CDH12: variants seen among roughly 807,000 people sequenced by gnomAD.
CDH12 encodes the protein cadherin 12.
CDH12 carries 41 observed loss-of-function variants against 74.1 expected under a neutral mutation model. The observed-to-expected ratio is 0.55, with a 90% CI of 0.43 to 0.72. The LOEUF (loss-of-function observed/expected upper bound fraction) is 0.72. Ranked by LOEUF, CDH12 falls within the 30% of genes least tolerant of loss-of-function variation. The probability of loss-of-function intolerance (pLI) is 0.00; values close to 1 mark genes in which losing one functional copy is unlikely to be tolerated. For synonymous variants in CDH12, 399 were observed against 355.0 expected (o/e 1.12, Z -1.39); for missense variants, 945 against 977.2 (o/e 0.97, Z 0.44).
intron 5 of CDH12, among the ~76,000 whole-genome samples, chr5:22,046,879 C>T (rs1011088128): frequency 8.5e-5 from 13 of 152,222 alleles, no homozygotes; most frequent in African/African-American, 3.1e-4. Flanking sequence ...TGTTTTATTT[C>T]ATGAAGGTGC....
intron 1 of CDH12, among the ~76,000 whole-genome samples, chr5:22,527,177 G>A (rs1396724527): frequency 6.6e-6 from 1 of 152,098 alleles, no homozygotes; most frequent in Non-Finnish European, 1.5e-5. Flanking sequence ...CTTTGGGAAA[G>A]GGTAAAAGAA....
At chr5:22,705,125 A>G (rs1374663540) in intron 1 of CDH12, among the ~76,000 whole-genome samples, 1 of 98,536 alleles carries the variant, frequency 1.0e-5, no homozygotes, top group Non-Finnish European at 2.1e-5. Context: ...TCATATATAT[A>G]TATATACACA....
chr5:22,767,035 C>T (rs1262260824), intron 1 of CDH12, among the ~76,000 whole-genome samples: 3 of 151,896 alleles, frequency 2.0e-5, no homozygotes, highest in African/African-American at 7.2e-5. Flanking sequence ...TAAGAAATTT[C>T]AGAACACACT....
intron 1 of CDH12, among the ~76,000 whole-genome samples, chr5:22,581,071 T>G (rs1740072706): frequency 6.6e-6 from 1 of 152,208 alleles, no homozygotes; most frequent in African/African-American, 2.4e-5. Context: ...TCCCATTTTC[T>G]GGGGAGAAAT....
At chr5:22,606,222 G>C (rs1737108353) in intron 1 of CDH12, among the ~76,000 whole-genome samples, 1 of 152,044 alleles carries the variant, frequency 6.6e-6, no homozygotes. Context: ...GGCCCTCCTG[G>C]TCATACACTC....
intron 3 of CDH12, among the ~76,000 whole-genome samples, chr5:22,289,414 C>T (rs1737287465): frequency 6.6e-6 from 1 of 151,932 alleles, no homozygotes. Flanking sequence ...CATATACAGC[C>T]AATTGTTATA....
At chr5:22,824,996 G>T (rs1293193878) in intron 1 of CDH12, among the ~76,000 whole-genome samples, 1 of 151,620 alleles carries the variant, frequency 6.6e-6, no homozygotes, top group Admixed American at 6.6e-5. Flanking sequence ...AATTCAAAAA[G>T]GCTTGTGAGA....
intron 3 of CDH12, among the ~76,000 whole-genome samples, chr5:22,281,779 G>A (rs1181545521): frequency 2.6e-5 from 4 of 152,080 alleles, no homozygotes; most frequent in African/African-American, 9.7e-5. Flanking sequence ...AATCAATATT[G>A]TGAAAATGGC....
At chr5:22,799,775 A>T (rs1170686393) in intron 1 of CDH12, among the ~76,000 whole-genome samples, 2 of 152,188 alleles carry the variant, frequency 1.3e-5, no homozygotes, top group Non-Finnish European at 2.9e-5. Flanking sequence ...GTATACCTAC[A>T]TATATACCTA....
At chr5:21,865,819 C>A (rs921214802) in intron 6 of CDH12, among the ~76,000 whole-genome samples, 1 of 152,130 alleles carries the variant, frequency 6.6e-6, no homozygotes, top group African/African-American at 2.4e-5. Flanking sequence ...CCCAGACAGC[C>A]CCAGCTATGG....
At position 22,504,011 on chromosome 5, in the gene CDH12, G is replaced by A. The variant is rs112081262; in HGVS notation, c.-428+1259C>T. Among the ~76,000 whole-genome samples the A allele has an allele frequency of 6.3e-3, 959 of 151,726 alleles. 10 individuals carry two copies. Among genetic ancestry groups the A allele is most frequent in the African/African-American group, 0.022 (892 of 41,408 alleles). ...CTCTTATTCTATAAATAAAAGATCT[G>A]GACTGAAACCCCAAACCAAAATTAT... is the stretch of plus-strand genomic sequence containing the variant. On this transcript the variant is annotated intron_variant, in intron 2 of 14. Transcript: ENST00000382254.
intron 3 of CDH12, among the ~76,000 whole-genome samples, chr5:22,251,423 A>C (rs927198589): frequency 1.3e-5 from 2 of 152,220 alleles, no homozygotes; most frequent in African/African-American, 4.8e-5. Context: ...ACCAGTGTAC[A>C]CTGGAATTAA....
chr5:22,795,607 A>G (rs1019692139), intron 1 of CDH12, among the ~76,000 whole-genome samples: 1 of 151,370 alleles, frequency 6.6e-6, no homozygotes, highest in Non-Finnish European at 1.5e-5. Context: ...ACACACACAC[A>G]CAAACACACA....
chr5:22,324,574 A>G (rs1193550230), intron 3 of CDH12, among the ~76,000 whole-genome samples: 1 of 151,804 alleles, frequency 6.6e-6, no homozygotes, highest in Non-Finnish European at 1.5e-5. Context: ...AGAAAACTTT[A>G]AACTTTTTAT....
chr5:22,614,539 A>T (rs1012163528), intron 1 of CDH12, among the ~76,000 whole-genome samples: 3 of 43,442 alleles, frequency 6.9e-5, no homozygotes, highest in Non-Finnish European at 1.4e-4. Context: ...TTGTGGAAAC[A>T]CAATTGGAAA....
At chr5:22,055,371 A>G (rs114058001) in intron 5 of CDH12, among the ~76,000 whole-genome samples, 2,781 of 152,268 alleles carry the variant, frequency 0.018, 44 homozygotes, top group African/African-American at 0.042. Context: ...AATCTATACA[A>G]TTGAAGCCTA....
In CDH12 at chr5:22,468,078, T is replaced by C. The variant is rs537931222; in HGVS notation, c.-428+37192A>G. ...GCTTCATCTGTGAATGAGGACCCAA[T>C]ACCCCCACCAGTGAAAGCTCTACTC... is the stretch of plus-strand genomic sequence containing the variant. On this transcript the variant is annotated intron_variant, in intron 2 of 14. Transcript: ENST00000382254. 2.6e-5 allele frequency among the ~76,000 whole-genome samples: 4 copies of C among 152,284 alleles called. No individual in the cohort carries two copies. In the East Asian group the frequency reaches 5.8e-4, roughly 22 times the overall value.
At chr5:21,817,195 AGGCTTG>A in intron 8 of CDH12, 63 bp from the exon 9 acceptor site, 1 of 1,143,758 alleles carries the variant, frequency 8.7e-7, no homozygotes. Flanking sequence ...TAAGATTACA[AGGCTTG>A]AAAAATAGAG....
At chr5:22,080,438 A>T (rs531780775) in intron 4 of CDH12, among the ~76,000 whole-genome samples, 33 of 152,228 alleles carry the variant, frequency 2.2e-4, no homozygotes, top group South Asian at 1.0e-3. Flanking sequence ...CCGGATATAA[A>T]TTTTTTTCTT....
Sources: gnomAD v4.1 joint callset for allele counts (sites outside exome capture counted in the v4.1 genomes callset) on GRCh38, gnomAD v4.1.1 for gene constraint, MANE v1.5 for transcripts, NCBI Gene and HGNC (gene_info 2026-07-23, HGNC 2026-07-21) for gene names.